NAPSA: variants seen among roughly 807,000 people sequenced by gnomAD.
NAPSA encodes napsin A aspartic peptidase, also known as napsin-A.
NAPSA carries 37 observed loss-of-function variants against 36.7 expected under a neutral mutation model. The ratio of observed to expected loss-of-function variants is 1.01; its 90% confidence interval spans 0.78 to 1.33. The LOEUF is 1.33. Ranked by LOEUF, NAPSA falls within the 40% of genes most tolerant of loss-of-function variation. NAPSA has a pLI of 0.00. For synonymous variants in NAPSA, 222 were observed against 234.5 expected, an observed-to-expected ratio of 0.95 and a Z score of 0.49; for missense variants, 532 against 543.8, an observed-to-expected ratio of 0.98 and a Z score of 0.21.
intron 7 of NAPSA, 49 bp downstream of exon 7, chr19:50,359,453 CA>C: frequency 6.2e-7 from 1 of 1,610,482 alleles, no homozygotes; most frequent in Non-Finnish European, 8.5e-7. Context: ...TGTTCACTGT[CA>C]AACTGCCATC....
Position 50,361,046 on chromosome 19 carries a change from C to G in NAPSA, c.563G>C (p.Gly188Ala), listed in dbSNP as rs2037465925. 1 of 1,614,022 alleles carries G rather than the reference C, an allele frequency of 6.2e-7. No individual in the cohort carries two copies. Among genetic ancestry groups the G allele is most frequent in the Non-Finnish European group, 8.5e-7 (1 of 1,180,036 alleles). The change falls in exon 5 of 9, where the codon GGC becomes GCC. Residue 188 changes from glycine (G) to alanine (A), a missense_variant. By Grantham distance (60) the Gly-to-Ala change is moderately conservative (BLOSUM62 0). Transcript: ENST00000253719. ...FAFAHFDGIL[G>A]LGFPILSVEG... ...CACAGACAGAATGGGAAAACCGAGG[C>G]CCAATATCCCATCAAAATGGGCAAA... is the stretch of plus-strand genomic sequence containing the variant.
intron 1 of NAPSA, among the ~76,000 whole-genome samples, chr19:50,365,277 T>A (rs539097912): frequency 6.6e-6 from 1 of 152,126 alleles, no homozygotes; most frequent in Non-Finnish European, 1.5e-5. Flanking sequence ...GAGGTTTCAG[T>A]GAGCTGAGAT....
At position 50,358,749 on chromosome 19, in the gene NAPSA, G is replaced by A; in HGVS notation, c.1067C>T (p.Ser356Phe). The A allele has an allele frequency of 6.2e-7, 1 of 1,613,184 alleles. No individual in the cohort carries two copies. Among genetic ancestry groups the A allele is most frequent in the South Asian group, 1.1e-5 (1 of 91,034 alleles). ...AGGGACATCCAGGGCCTGGAAACCG[G>A]ACAAGCAGAGGCGGACGCCATTTCG... ...TTRNGVRLCLSGFQALDVPPP... is the reference protein window; with the variant it reads ...TTRNGVRLCLFGFQALDVPPP... The change falls in exon 9 of 9, where the codon TCC (serine) becomes TTC (phenylalanine). Residue 356 changes from serine to phenylalanine, a missense_variant. Ser to Phe is a radical substitution (Grantham distance 155, BLOSUM62 -2). This residue lies in a region of NAPSA where 385 missense variants were observed against 371.5 expected (regional missense o/e 1.04). Coordinates refer to ENST00000253719, the MANE Select transcript of NAPSA (RefSeq NM_004851.3).
chr19:50,362,445 T>C (rs2037491052), intron 1 of NAPSA, 132 bp from the exon 2 acceptor site: 1 of 727,910 alleles, frequency 1.4e-6, no homozygotes, highest in Non-Finnish European at 2.1e-6. Flanking sequence ...CCAGAAACCC[T>C]GCAATAACAA....
At chr19:50,360,755 T>A (rs1234572709) in intron 5 of NAPSA, among the ~76,000 whole-genome samples, 186 bp downstream of exon 5, 8 of 152,174 alleles carry the variant, frequency 5.3e-5, no homozygotes, top group Non-Finnish European at 1.2e-4. Flanking sequence ...TGTTTCTTTA[T>A]AGGGCAGGTG....
chr19:50,358,584 C>G lies in NAPSA; in HGVS notation c.1232G>C (p.Gly411Ala), dbSNP rs764770251. The change falls in exon 9 of 9, where the codon GGA (glycine) becomes GCA (alanine). Residue 411 changes from glycine (G) to alanine (A), a missense_variant. Coordinates refer to ENST00000253719, the MANE Select transcript of NAPSA (RefSeq NM_004851.3). ...ARTRGADLGW[G>A]ETAQAQFPG ...GGGGAACTGCGCCTGCGCAGTCTCT[C>G]CCCATCCGAGGTCCGCTCCGCGAGT... 1.2e-6 allele frequency: 2 copies of G among 1,609,696 alleles called. No homozygotes were observed. Among genetic ancestry groups the G allele is most frequent in the South Asian group, 1.1e-5 (1 of 90,602 alleles).
At chr19:50,365,126 G>A (rs2037530470) in intron 1 of NAPSA, among the ~76,000 whole-genome samples, 1 of 151,778 alleles carries the variant, frequency 6.6e-6, no homozygotes, top group Admixed American at 6.6e-5. Context: ...ACGAGGTCAG[G>A]GGTTCCAGAC....
At chr19:50,360,264 G>A (rs566593525) in intron 5 of NAPSA, among the ~76,000 whole-genome samples, 1 of 152,274 alleles carries the variant, frequency 6.6e-6, no homozygotes, top group Non-Finnish European at 1.5e-5. Context: ...ATCTAGAGAG[G>A]TGTTAGACTT....
chr19:50,365,326 T>C (rs1264341712), intron 1 of NAPSA, among the ~76,000 whole-genome samples: 1 of 152,098 alleles, frequency 6.6e-6, no homozygotes. Flanking sequence ...AGAGTGAGAC[T>C]CCATCTCAAA....
upstream of NAPSA, among the ~76,000 whole-genome samples, chr19:50,367,286 T>C (rs1023915165): frequency 6.6e-6 from 1 of 152,236 alleles, no homozygotes; most frequent in African/African-American, 2.4e-5. Context: ...GTATTTATTG[T>C]AGTCTTTGCA....
At chr19:50,364,992 AAAT>A (rs1164486251) in intron 1 of NAPSA, among the ~76,000 whole-genome samples, 29 of 138,630 alleles carry the variant, frequency 2.1e-4, no homozygotes, top group African/African-American at 4.2e-4. Context: ...ACTCTGTCTC[AAAT>A]AATAATAATA....
chr19:50,367,736 C>G (rs2037567669), upstream of NAPSA, among the ~76,000 whole-genome samples: 1 of 152,162 alleles, frequency 6.6e-6, no homozygotes, highest in Admixed American at 6.5e-5. Context: ...GCTCAAGGCC[C>G]TTGGGCTCTA....
Position 50,359,805 on chromosome 19 carries a change from G to C in NAPSA, c.726C>G (p.His242Gln). The C allele has an allele frequency of 1.2e-6, 2 of 1,614,212 alleles. No homozygotes were observed. The highest frequency in any genetic ancestry group is 1.1e-5 in the South Asian group (1 of 91,082). ...GCACGAAGGTGAGGGGTGGGATGTA[G>C]TGTGCCGGGTCCGAGCCCCCCAGGA... ...ELVLGGSDPA[H>Q]YIPPLTFVPV... The change falls in exon 6 of 9, where the codon CAC becomes CAG. Residue 242 changes from histidine (H) to glutamine (Q), a missense_variant. By Grantham distance (24) the His-to-Gln change is conservative. Transcript: ENST00000253719.
upstream of NAPSA, among the ~76,000 whole-genome samples, chr19:50,367,861 A>G (rs1333141940): frequency 1.3e-5 from 2 of 152,146 alleles, no homozygotes; most frequent in Non-Finnish European, 2.9e-5. Flanking sequence ...ACTGGAGTCA[A>G]AACCCTTAGA....
At chr19:50,368,792 G>A (rs914220411), upstream of NAPSA, among the ~76,000 whole-genome samples, 1 of 152,320 alleles carries the variant, frequency 6.6e-6, no homozygotes, top group Non-Finnish European at 1.5e-5. Flanking sequence ...TTCCCCAGCC[G>A]CCACCCGTTT....
At chr19:50,366,263 A>G (rs1363211199), upstream of NAPSA, among the ~76,000 whole-genome samples, 2 of 148,336 alleles carry the variant, frequency 1.3e-5, no homozygotes, top group Non-Finnish European at 3.0e-5. Flanking sequence ...ACCACGCCCC[A>G]CTAATTTTGT....
At chr19:50,365,511 G>A in intron 1 of NAPSA, 28 bp downstream of exon 1, 1 of 1,605,392 alleles carries the variant, frequency 6.2e-7, no homozygotes, top group Non-Finnish European at 8.5e-7. Flanking sequence ...CCCTCCTAAG[G>A]TTGGGGTGGT....
Position 50,362,225 on chromosome 19 carries a change from C to T in NAPSA, c.172G>A (p.Ala58Thr), listed in dbSNP as rs1299461302. The change falls in exon 2 of 9, where the codon GCC (alanine) becomes ACC (threonine). Residue 58 changes from alanine to threonine, a missense_variant. Around this residue, in one of 3 missense-constraint regions of NAPSA, gnomAD observed 102 missense variants for 93.6 expected, o/e 1.09. Coordinates refer to ENST00000253719, the MANE Select transcript of NAPSA (RefSeq NM_004851.3). Reference protein sequence around the residue: ...REPAELPKLGAPSPGDKPIFV... With the variant: ...REPAELPKLGTPSPGDKPIFV... ...ATGGGCTTGTCCCCAGGGGATGGGG[C>T]CCCCAACTTGGGGAGCTCTGCTGGT... 4.3e-6 allele frequency: 7 copies of T among 1,613,932 alleles called. No individual in the cohort carries two copies. The highest frequency in any genetic ancestry group is 5.9e-6 in the Non-Finnish European group (7 of 1,179,982).
chr19:50,361,310 C>G (rs952100820), intron 4 of NAPSA, 170 bp from the exon 5 acceptor site: 1 of 619,816 alleles, frequency 1.6e-6, no homozygotes. Flanking sequence ...ACCCAGGAAC[C>G]CCTTTCTTCT....
Sources: gnomAD v4.1 joint callset for allele counts (sites outside exome capture counted in the v4.1 genomes callset) on GRCh38, gnomAD v4.1.1 for gene constraint, gnomAD v4.1.1 regional missense constraint, MANE v1.5 for transcripts, NCBI Gene and HGNC (gene_info 2026-07-23, HGNC 2026-07-21) for gene names.